The following TAS2R1 variants were observed in gnomAD, a reference collection of about 807,000 sequenced individuals.
TAS2R1 encodes the protein taste 2 receptor member 1, also known as taste receptor type 2 member 1.
For missense variants in TAS2R1, 370 were observed against 353.4 expected, an observed-to-expected ratio of 1.05 and a Z score of -0.38; for synonymous variants, 141 against 134.2, an observed-to-expected ratio of 1.05 and a Z score of -0.35.
chr5:9,737,374 C>A, the TAS2R1 span, among the ~76,000 whole-genome samples: 1 of 152,206 alleles, frequency 6.6e-6, no homozygotes, highest in Admixed American at 6.5e-5. Context: ...TAACTTCCCA[C>A]CAGCTCAGTT....
chr5:9,724,795 A>G, the TAS2R1 span, among the ~76,000 whole-genome samples: 1 of 152,364 alleles, frequency 6.6e-6, no homozygotes, highest in Admixed American at 6.5e-5. Flanking sequence ...CACTGGGAGC[A>G]GAGTCAGAAA....
chr5:9,701,063 A>T (rs1429956430), intron 1 of TAS2R1, among the ~76,000 whole-genome samples: 2 of 152,098 alleles, frequency 1.3e-5, no homozygotes, highest in African/African-American at 4.8e-5. Flanking sequence ...GTTGTTCAAC[A>T]CTCCTGACAC....
the TAS2R1 span, among the ~76,000 whole-genome samples, chr5:9,769,607 A>C: frequency 6.6e-6 from 1 of 152,190 alleles, no homozygotes; most frequent in African/African-American, 2.4e-5. Flanking sequence ...AAGCCATTTT[A>C]ACTGGAGTAA....
At chr5:9,875,826 T>G in the TAS2R1 span, among the ~76,000 whole-genome samples, 1 of 152,236 alleles carries the variant, frequency 6.6e-6, no homozygotes, top group Non-Finnish European at 1.5e-5. Flanking sequence ...CAGTGAGTCC[T>G]GTGGGGAGAC....
chr5:9,724,056 T>A, the TAS2R1 span, among the ~76,000 whole-genome samples: 1 of 152,232 alleles, frequency 6.6e-6, no homozygotes, highest in African/African-American at 2.4e-5. Flanking sequence ...GCAAAAGGGC[T>A]TCTTCGTGAA....
At chr5:9,902,928 A>G in the TAS2R1 span, among the ~76,000 whole-genome samples, 1 of 152,092 alleles carries the variant, frequency 6.6e-6, no homozygotes, top group South Asian at 2.1e-4. Context: ...ATTTTGAAAT[A>G]TATCAGATAA....
chr5:9,792,936 C>A, the TAS2R1 span, among the ~76,000 whole-genome samples: 1 of 152,086 alleles, frequency 6.6e-6, no homozygotes, highest in Non-Finnish European at 1.5e-5. Flanking sequence ...TGAAGGGGAT[C>A]CCACAATTAA....
At chr5:9,635,438 C>T (rs965080669) in intron 2 of TAS2R1, among the ~76,000 whole-genome samples, 4 of 151,862 alleles carry the variant, frequency 2.6e-5, no homozygotes, top group African/African-American at 9.7e-5. Context: ...CTGGTTTTGA[C>T]ATTAGGGTGA....
At chr5:9,669,302 C>A (rs144060653) in intron 1 of TAS2R1, among the ~76,000 whole-genome samples, 3 of 152,150 alleles carry the variant, frequency 2.0e-5, no homozygotes, top group Non-Finnish European at 2.9e-5. Flanking sequence ...GATAACCATA[C>A]GATAATAGTG....
At chr5:9,770,391 A>AT in the TAS2R1 span, among the ~76,000 whole-genome samples, 1 of 152,150 alleles carries the variant, frequency 6.6e-6, no homozygotes, top group African/African-American at 2.4e-5. Flanking sequence ...CTATTTGGCT[A>AT]TTTTGGGTCT....
chr5:9,808,891 T>C, the TAS2R1 span, among the ~76,000 whole-genome samples: 1 of 152,146 alleles, frequency 6.6e-6, no homozygotes, highest in Admixed American at 6.5e-5. Flanking sequence ...GAAGATATCC[T>C]TGTGGGTGGG....
the TAS2R1 span, among the ~76,000 whole-genome samples, chr5:9,830,408 G>A: frequency 6.6e-6 from 1 of 152,076 alleles, no homozygotes; most frequent in East Asian, 1.9e-4. Flanking sequence ...AGAGAGATAT[G>A]ATAGACATAG....
the TAS2R1 span, among the ~76,000 whole-genome samples, chr5:9,747,764 A>C: frequency 6.6e-6 from 1 of 152,096 alleles, no homozygotes; most frequent in African/African-American, 2.4e-5. Flanking sequence ...TCTTTCAATA[A>C]GTTTAGCTAA....
rs114367329 is a variant in TAS2R1, at chr5:9,673,628, C to A, written c.-241-14047G>T. 6.9e-3 allele frequency among the ~76,000 whole-genome samples: 1,047 copies of A among 150,766 alleles called. 16 individuals are homozygous for A. Among genetic ancestry groups the A allele is most frequent in the African/African-American group, 0.025 (1,010 of 41,054 alleles). On this transcript the variant is annotated intron_variant, in intron 1 of 2. Coordinates refer to the TAS2R1 transcript ENST00000506620. ...TTATATATTTTATTTTATTTCTTAG[C>A]CAATAAGAGAAGCTGAAAAAAAAAA...
chr5:9,742,324 C>T, the TAS2R1 span, among the ~76,000 whole-genome samples: 2 of 152,162 alleles, frequency 1.3e-5, no homozygotes, highest in Non-Finnish European at 1.5e-5. Flanking sequence ...TAGGCAGACT[C>T]AATAAAAATA....
the TAS2R1 span, among the ~76,000 whole-genome samples, chr5:9,755,146 G>A: frequency 6.6e-6 from 1 of 152,138 alleles, no homozygotes; most frequent in African/African-American, 2.4e-5. Context: ...AAGAGTCCTA[G>A]AGATCCTGCC....
chr5:9,890,426 C>T, the TAS2R1 span, among the ~76,000 whole-genome samples: 7 of 152,162 alleles, frequency 4.6e-5, no homozygotes, highest in African/African-American at 1.4e-4. Context: ...CAGGGTCTTG[C>T]AGCTTCTGTA....
the TAS2R1 span, among the ~76,000 whole-genome samples, chr5:9,866,632 G>A: frequency 6.6e-6 from 1 of 152,146 alleles, no homozygotes; most frequent in East Asian, 1.9e-4. Context: ...TAGGATATAG[G>A]CCTTAAGCAT....
At chr5:9,689,918 G>C (rs1452245067) in intron 1 of TAS2R1, among the ~76,000 whole-genome samples, 1 of 152,150 alleles carries the variant, frequency 6.6e-6, no homozygotes, top group Admixed American at 6.6e-5. Flanking sequence ...AATGAGCTGG[G>C]AGTCAGCATC....
Sources: gnomAD v4.1 joint callset for allele counts (sites outside exome capture counted in the v4.1 genomes callset) on GRCh38, gnomAD v4.1.1 for gene constraint, MANE v1.5 for transcripts, NCBI Gene and HGNC (gene_info 2026-07-23, HGNC 2026-07-21) for gene names.